UVRAG: variants seen among roughly 807,000 people sequenced by gnomAD.
UVRAG encodes UV radiation resistance associated.
Under a neutral mutation model 78.0 loss-of-function variants are expected in UVRAG, and 19 were observed. The observed-to-expected ratio is 0.24, with a 90% CI of 0.17 to 0.36. The LOEUF (loss-of-function observed/expected upper bound fraction) is 0.36. UVRAG is among the 10% of genes least tolerant of loss of function. The pLI is 1.00. For missense variants in UVRAG, 740 were observed against 853.8 expected (o/e 0.87, Z 1.66); for synonymous variants, 323 against 324.6 (o/e 1.00, Z 0.05).
chr11:76,091,231 T>C (rs953410343), intron 13 of UVRAG, among the ~76,000 whole-genome samples: 1 of 152,216 alleles, frequency 6.6e-6, no homozygotes, highest in East Asian at 1.9e-4. Flanking sequence ...CTAGAGATAT[T>C]TGATTCCCCC....
intron 7 of UVRAG, chr11:75,979,433 G>GT (rs1370465479): frequency 6.6e-6 from 1 of 152,488 alleles, no homozygotes; most frequent in Non-Finnish European, 1.5e-5. Context: ...GTCTGCAGAA[G>GT]TTTTCTGCTG....
At chr11:75,838,304 A>T (rs901515416) in intron 1 of UVRAG, among the ~76,000 whole-genome samples, 1 of 152,070 alleles carries the variant, frequency 6.6e-6, no homozygotes, top group Non-Finnish European at 1.5e-5. Context: ...ATCAAAGAAT[A>T]TGTGCATTTG....
At chr11:76,023,504 G>A (rs1950281944) in intron 12 of UVRAG, among the ~76,000 whole-genome samples, 1 of 152,022 alleles carries the variant, frequency 6.6e-6, no homozygotes, top group Admixed American at 6.6e-5. Context: ...TTTGTTAGCT[G>A]CTTTTCAGTT....
intron 13 of UVRAG, among the ~76,000 whole-genome samples, chr11:76,074,860 T>A (rs756210054): frequency 3.3e-5 from 5 of 152,164 alleles, no homozygotes; most frequent in African/African-American, 4.8e-5. Flanking sequence ...CCTGGGGATT[T>A]CATGACTCCC....
At chr11:75,979,100 G>C (rs1223909963) in intron 7 of UVRAG, among the ~76,000 whole-genome samples, 1 of 152,196 alleles carries the variant, frequency 6.6e-6, no homozygotes, top group Non-Finnish European at 1.5e-5. Context: ...TAACACTCAG[G>C]ACCCTCAGCT....
intron 6 of UVRAG, among the ~76,000 whole-genome samples, chr11:75,917,126 G>A (rs985970704): frequency 6.6e-6 from 1 of 152,204 alleles, no homozygotes; most frequent in African/African-American, 2.4e-5. Context: ...TTAAAGTTAA[G>A]CTATAAACTA....
At position 75,880,170 on chromosome 11, in the gene UVRAG, TAA is replaced by T. The variant is rs1054044847; in HGVS notation, c.432+131_432+132del. The stretch of plus-strand genomic sequence containing the variant: ...TTTTATGACTGTTTACTTATATCAC[TAA>T]GAGAGACCTTGATGATCATTTACAT... On this transcript the variant is annotated intron_variant, in intron 4 of 14. Coordinates refer to ENST00000356136, the MANE Select transcript of UVRAG (RefSeq NM_003369.4). The T allele has an allele frequency of 5.6e-5, 56 of 1,004,664 alleles. No homozygotes were observed. In the African/African-American group the frequency reaches 7.9e-4, roughly 14 times the overall value. The allele number at this position is 1,004,664 out of a possible 1,614,324, so 62.2% of individuals were successfully genotyped here. A position where few individuals can be genotyped will look rare whatever the true frequency, so the allele number is the denominator to read the frequency against.
At chr11:75,869,597 G>A (rs954724351) in intron 3 of UVRAG, among the ~76,000 whole-genome samples, 6 of 152,170 alleles carry the variant, frequency 3.9e-5, no homozygotes, top group Non-Finnish European at 7.3e-5. Context: ...TCAACACATG[G>A]AATTATATGT....
At chr11:75,821,941 GTTTTT>G (rs757078463) in intron 1 of UVRAG, among the ~76,000 whole-genome samples, 4 of 118,568 alleles carry the variant, frequency 3.4e-5, no homozygotes, top group Non-Finnish European at 5.2e-5. Context: ...ATTTATCACT[GTTTTT>G]TTTTTTTTTT....
chr11:76,016,851 A>G lies in UVRAG; in HGVS notation c.1097A>G (p.Tyr366Cys), dbSNP rs894722875. Residue 366 changes from tyrosine (Y) to cysteine (C), a missense_variant, in exon 12 of 15, where the codon TAT (tyrosine) becomes TGT (cysteine). Physicochemically the swap from Tyr to Cys is radical, Grantham distance 194. Coordinates refer to ENST00000356136, the MANE Select transcript of UVRAG (RefSeq NM_003369.4). ...GGAAGCATTGCTGTTGCCCTTGGTTATACTGCACATCTGGTCTCCATGATT... is the reference window on the plus strand; with the variant it reads ...GGAAGCATTGCTGTTGCCCTTGGTTGTACTGCACATCTGGTCTCCATGATT... ...DDGSIAVALG[Y>C]TAHLVSMISF... The G allele has an allele frequency of 6.2e-7, 1 of 1,609,632 alleles. No individual in the cohort carries two copies. The highest frequency in any genetic ancestry group is 1.1e-5 in the South Asian group (1 of 90,290).
intron 5 of UVRAG, among the ~76,000 whole-genome samples, chr11:75,911,034 G>A (rs957200192): frequency 3.3e-5 from 5 of 152,128 alleles, no homozygotes; most frequent in Non-Finnish European, 7.3e-5. Context: ...CATTGTTTCC[G>A]TGGGAAACTG....
intron 7 of UVRAG, among the ~76,000 whole-genome samples, chr11:75,972,326 T>A (rs1450837606): frequency 6.6e-6 from 1 of 152,200 alleles, no homozygotes; most frequent in Non-Finnish European, 1.5e-5. Context: ...TCCTGTGTTA[T>A]CTTCTAGAAG....
intron 1 of UVRAG, among the ~76,000 whole-genome samples, chr11:75,835,990 A>G (rs1323335585): frequency 1.3e-5 from 2 of 152,080 alleles, no homozygotes; most frequent in African/African-American, 4.8e-5. Context: ...AGTCCCAGCT[A>G]CTTGGGAGGC....
intron 12 of UVRAG, among the ~76,000 whole-genome samples, chr11:76,030,323 A>G (rs1392858283): frequency 6.6e-6 from 1 of 152,120 alleles, no homozygotes; most frequent in Non-Finnish European, 1.5e-5. Context: ...GTGAGCCACA[A>G]CACCCGGCCA....
intron 10 of UVRAG, among the ~76,000 whole-genome samples, chr11:76,008,146 G>A (rs542964224): frequency 9.9e-5 from 15 of 152,134 alleles, no homozygotes; most frequent in South Asian, 2.1e-4. Context: ...TCCTGACCTC[G>A]TGATCCACCC....
At chr11:75,831,711 G>A (rs75501205) in intron 1 of UVRAG, among the ~76,000 whole-genome samples, 3,998 of 152,212 alleles carry the variant, frequency 0.026, 168 homozygotes, top group African/African-American at 0.087. Context: ...AGAGGAGGAC[G>A]GTGGAAACAA....
At chr11:76,055,581 A>C (rs1298744947) in intron 12 of UVRAG, among the ~76,000 whole-genome samples, 1 of 152,212 alleles carries the variant, frequency 6.6e-6, no homozygotes, top group Non-Finnish European at 1.5e-5. Flanking sequence ...ATTTCCGTGA[A>C]TCTTAAAGTA....
intron 12 of UVRAG, among the ~76,000 whole-genome samples, chr11:76,061,386 C>A (rs1951089747): frequency 6.6e-6 from 1 of 152,162 alleles, no homozygotes; most frequent in African/African-American, 2.4e-5. Flanking sequence ...AGAATAAATG[C>A]AGGCTGCAGG....
rs1232138899 is a variant in UVRAG at position 76,040,993 on chromosome 11, A to AT, written c.1226+24015dup. On this transcript the variant is annotated intron_variant, in intron 12 of 14. Coordinates refer to ENST00000356136, the MANE Select transcript of UVRAG (RefSeq NM_003369.4). ...CATTACTGCAACCCTAGAAAGACTG[A>AT]TTAACAATTATATGAAAGTATATCA... Among the ~76,000 whole-genome samples the AT allele has an allele frequency of 2.6e-5, 4 of 152,230 alleles. No individual in the cohort carries two copies. The East Asian group carries it at 7.7e-4, about 29-fold the overall frequency.
Sources: allele counts gnomAD v4.1 joint callset (sites outside exome capture counted in the v4.1 genomes callset), GRCh38; gene constraint gnomAD v4.1.1; transcripts MANE v1.5; gene names NCBI Gene and HGNC (gene_info 2026-07-23, HGNC 2026-07-21).